TOGARAM2: variants seen among roughly 807,000 people sequenced by gnomAD.
TOGARAM2 encodes the protein TOG array regulator of axonemal microtubules 2, also known as TOG array regulator of axonemal microtubules protein 2.
TOGARAM2 carries 85 observed loss-of-function variants against 93.3 expected under a neutral mutation model. That is an observed-to-expected ratio of 0.91 (90% CI 0.76 to 1.09). TOGARAM2 has a LOEUF of 1.09. TOGARAM2 is among the 50% of genes least tolerant of loss of function. TOGARAM2 has a pLI of 0.00. For synonymous variants in TOGARAM2, 593 were observed against 552.8 expected (o/e 1.07, Z -1.02); for missense variants, 1,277 against 1,334.5 (o/e 0.96, Z 0.67).
chr2:29,006,340 A>AGTGCC (rs1663842934), intron 6 of TOGARAM2, among the ~76,000 whole-genome samples: 1 of 116,128 alleles, frequency 8.6e-6, no homozygotes, highest in African/African-American at 3.6e-5. Flanking sequence ...ATGTGTGTGT[A>AGTGCC]TGTGTGTATG....
At chr2:28,962,806 C>CCCTTCCCT (rs1671819592) in intron 1 of TOGARAM2, among the ~76,000 whole-genome samples, 2 of 133,662 alleles carry the variant, frequency 1.5e-5, no homozygotes, top group African/African-American at 2.8e-5. Context: ...CCCTTCCCTC[C>CCCTTCCCT]CCTTCCCTCC....
At chr2:28,961,359 G>A (rs190929048) in intron 1 of TOGARAM2, among the ~76,000 whole-genome samples, 7 of 151,994 alleles carry the variant, frequency 4.6e-5, no homozygotes, top group East Asian at 1.9e-4. Flanking sequence ...TTTTTTGGAG[G>A]CAGAATCTTT....
intron 6 of TOGARAM2, among the ~76,000 whole-genome samples, chr2:29,005,327 G>A (rs1183780363): frequency 6.9e-5 from 5 of 72,016 alleles, no homozygotes; most frequent in Admixed American, 4.8e-4. Flanking sequence ...GTGCATGTGT[G>A]TGTGAGACCG....
chr2:28,993,473 C>T (rs1296302309), intron 1 of TOGARAM2, among the ~76,000 whole-genome samples: 1 of 152,192 alleles, frequency 6.6e-6, no homozygotes, highest in African/African-American at 2.4e-5. Flanking sequence ...GGTGTTGGTG[C>T]CTGTGGAATA....
chr2:28,981,475 T>A lies in TOGARAM2; in HGVS notation c.-174T>A, dbSNP rs1672190671. The A allele has an allele frequency of 6.6e-6, 1 of 152,340 alleles. No individual in the cohort carries two copies. Among genetic ancestry groups the A allele is most frequent in the Non-Finnish European group, 1.5e-5 (1 of 68,216 alleles). The allele number at this position is 152,340 out of a possible 1,614,324, so 9.4% of individuals were successfully genotyped here. On this transcript the variant is annotated 5_prime_UTR_variant, in exon 1 of 20. Transcript: ENST00000379558. ...CTCCCTGGGCCCATGAGCATCAACGTCTCTATAGAGACCAAGGACCCTGGA... is the reference window on the plus strand; with the variant it reads ...CTCCCTGGGCCCATGAGCATCAACGACTCTATAGAGACCAAGGACCCTGGA...
chr2:29,040,310 A>C (rs1666355082), intron 18 of TOGARAM2, among the ~76,000 whole-genome samples: 1 of 150,770 alleles, frequency 6.6e-6, no homozygotes, highest in Non-Finnish European at 1.5e-5. Context: ...TACCACTGTA[A>C]AGAAGTCATA....
At chr2:29,001,979 G>T (rs1334903143) in intron 4 of TOGARAM2, among the ~76,000 whole-genome samples, 2 of 152,150 alleles carry the variant, frequency 1.3e-5, no homozygotes, top group African/African-American at 4.8e-5. Flanking sequence ...AGATGGGGTG[G>T]GGCACAGGGC....
chr2:28,996,291 A>G (rs1300409711), intron 2 of TOGARAM2, among the ~76,000 whole-genome samples: 1 of 152,122 alleles, frequency 6.6e-6, no homozygotes, highest in Non-Finnish European at 1.5e-5. Context: ...TATACAATAC[A>G]TTATTATGAG....
intron 9 of TOGARAM2, 81 bp from the exon 10 acceptor site, chr2:29,017,711 A>G: frequency 1.4e-6 from 2 of 1,382,798 alleles, no homozygotes; most frequent in South Asian, 3.0e-5. Flanking sequence ...TTGGCCAGCC[A>G]TGGGTCCATT....
chr2:29,002,842 T>C, intron 5 of TOGARAM2, 95 bp downstream of exon 5: 1 of 1,186,692 alleles, frequency 8.4e-7, no homozygotes, highest in Non-Finnish European at 1.2e-6. Flanking sequence ...CCTGACTCCA[T>C]GCCCTGAGCA....
intron 1 of TOGARAM2, among the ~76,000 whole-genome samples, chr2:28,981,943 G>T (rs923647732): frequency 3.3e-5 from 5 of 152,186 alleles, no homozygotes; most frequent in Non-Finnish European, 2.9e-5. Flanking sequence ...GCATGCTGTG[G>T]GGATGGCACC....
At chr2:29,005,802 G>A (rs1295657069) in intron 6 of TOGARAM2, among the ~76,000 whole-genome samples, 2 of 150,742 alleles carry the variant, frequency 1.3e-5, no homozygotes, top group African/African-American at 4.9e-5. Flanking sequence ...ATGTGTATGA[G>A]TGCATGTGTG....
intron 8 of TOGARAM2, among the ~76,000 whole-genome samples, chr2:29,014,879 CG>C (rs1664464664): frequency 6.6e-6 from 1 of 152,042 alleles, no homozygotes; most frequent in African/African-American, 2.4e-5. Flanking sequence ...ACGAGGAAGC[CG>C]GACGTGGGGA....
intron 5 of TOGARAM2, among the ~76,000 whole-genome samples, chr2:29,003,171 G>A (rs887473010): frequency 3.9e-5 from 6 of 152,244 alleles, no homozygotes; most frequent in Non-Finnish European, 7.3e-5. Flanking sequence ...GTGACCTTGT[G>A]CAAGTCACAC....
rs766775148 is a variant in TOGARAM2, at chr2:29,051,800, C to T, written c.2767C>T (p.Arg923Trp). 2.8e-5 allele frequency: 44 copies of T among 1,551,834 alleles called. No individual in the cohort carries two copies. The Admixed American group carries it at 5.7e-4, about 20-fold the overall frequency. ...VYPRKPQAVERHVLPILWHFL... is the reference protein window; with the variant it reads ...VYPRKPQAVEWHVLPILWHFL... ...CCCCCGGAAGCCTCAAGCTGTAGAG[C>T]GGCATGTCCTTCCCATCCTCTGGCA... The change falls in exon 20 of 20, where the codon CGG becomes TGG. Residue 923 changes from arginine to tryptophan, a missense_variant. Coordinates refer to ENST00000379558, the MANE Select transcript of TOGARAM2 (RefSeq NM_199280.4).
intron 11 of TOGARAM2, among the ~76,000 whole-genome samples, chr2:29,022,541 A>T (rs1370732304): frequency 1.3e-5 from 2 of 152,198 alleles, no homozygotes; most frequent in South Asian, 4.2e-4. Flanking sequence ...CGACCCTCCA[A>T]GCAGCCTATG....
intron 6 of TOGARAM2, among the ~76,000 whole-genome samples, chr2:29,010,265 G>A (rs1572698620): frequency 6.6e-6 from 1 of 152,284 alleles, no homozygotes; most frequent in Non-Finnish European, 1.5e-5. Context: ...TTGGGCAGTG[G>A]TTAAGCAGTG....
Position 28,963,347 on chromosome 2 carries a change from T to C in TOGARAM2, c.-147+6650T>C, listed in dbSNP as rs192954632. ...TATTGAGATTTGTTTTATGACTCAG[T>C]GTATGATCTATCTTGGCAAATGTTT... On this transcript the variant is annotated intron_variant, in intron 1 of 6. Transcript: ENST00000401723. Among the ~76,000 whole-genome samples the C allele has an allele frequency of 3.3e-5, 5 of 152,318 alleles. No homozygotes were observed. In the East Asian group the frequency reaches 7.7e-4, roughly 23 times the overall value.
intron 18 of TOGARAM2, among the ~76,000 whole-genome samples, chr2:29,043,987 G>A (rs1026757484): frequency 6.6e-6 from 1 of 152,202 alleles, no homozygotes; most frequent in Non-Finnish European, 1.5e-5. Context: ...AATTTATTCC[G>A]GAAATGTCCC....
Sources: allele counts gnomAD v4.1 joint callset (sites outside exome capture counted in the v4.1 genomes callset), GRCh38; gene constraint gnomAD v4.1.1; transcripts MANE v1.5; gene names NCBI Gene and HGNC (gene_info 2026-07-23, HGNC 2026-07-21).